Variants in RAD52 observed in about 807,000 individuals in gnomAD.
RAD52 encodes the protein RAD52 DNA repair protein.
RAD52 carries 47 observed loss-of-function variants against 55.5 expected under a neutral mutation model. That is an observed-to-expected ratio of 0.85 (90% CI 0.67 to 1.08). The LOEUF (loss-of-function observed/expected upper bound fraction) is 1.08, where lower values mean the gene tolerates loss of function less well. Ranked by LOEUF, RAD52 falls within the 50% of genes least tolerant of loss-of-function variation. The probability of loss-of-function intolerance (pLI) is 0.00; values close to 1 mark genes in which losing one functional copy is unlikely to be tolerated. For missense variants in RAD52, 468 were observed against 522.8 expected (o/e 0.90, Z 1.02); for synonymous variants, 184 against 198.9 (o/e 0.92, Z 0.63).
upstream of RAD52, among the ~76,000 whole-genome samples, chr12:952,043 A>G (rs1958536068): frequency 6.6e-6 from 1 of 152,184 alleles, no homozygotes; most frequent in South Asian, 2.1e-4. Context: ...AGCTCGCTAT[A>G]ACCTCAAATG....
At chr12:938,048 C>A (rs1246595465) in intron 1 of RAD52, among the ~76,000 whole-genome samples, 2 of 152,186 alleles carry the variant, frequency 1.3e-5, no homozygotes, top group Non-Finnish European at 2.9e-5. Context: ...TCCTGTCTCC[C>A]TTCCCCGCTC....
At chr12:945,892 G>A (rs1242826109) in intron 1 of RAD52, among the ~76,000 whole-genome samples, 4 of 151,608 alleles carry the variant, frequency 2.6e-5, no homozygotes, top group Non-Finnish European at 2.9e-5. Context: ...GCACGGTGGC[G>A]GGTACCTGTA....
At chr12:971,146 C>T (rs1160938569) in intron 1 of RAD52, among the ~76,000 whole-genome samples, 1 of 152,108 alleles carries the variant, frequency 6.6e-6, no homozygotes, top group African/African-American at 2.4e-5. Flanking sequence ...GAAAAGGAAC[C>T]TATATGTCTT....
At chr12:934,964 A>C (rs1386869869) in intron 1 of RAD52, among the ~76,000 whole-genome samples, 1 of 151,854 alleles carries the variant, frequency 6.6e-6, no homozygotes, top group Non-Finnish European at 1.5e-5. Context: ...AATACAAAAA[A>C]ATTAGCCGGA....
At chr12:915,535 G>A (rs1956312846) in intron 9 of RAD52, among the ~76,000 whole-genome samples, 1 of 152,184 alleles carries the variant, frequency 6.6e-6, no homozygotes, top group African/African-American at 2.4e-5. Flanking sequence ...TGGATGGGCA[G>A]GAGAGAACAG....
At chr12:935,869 T>A (rs138525915) in intron 1 of RAD52, among the ~76,000 whole-genome samples, 2 of 20,958 alleles carry the variant, frequency 9.5e-5, no homozygotes, top group Non-Finnish European at 1.2e-4. Flanking sequence ...AATAAATAAA[T>A]AAATAAATAA....
At chr12:914,213 C>T in intron 10 of RAD52, 92 bp from the exon 11 acceptor site, 1 of 1,316,152 alleles carries the variant, frequency 7.6e-7, no homozygotes, top group Non-Finnish European at 1.0e-6. Context: ...AATTCCATGT[C>T]TTCAGTACCT....
intron 9 of RAD52, 80 bp downstream of exon 9, chr12:916,264 C>T (rs1956366454): frequency 1.3e-6 from 2 of 1,568,938 alleles, no homozygotes; most frequent in Non-Finnish European, 1.7e-6. Flanking sequence ...CCCAGGGTTA[C>T]CGCAGAGAAT....
At chr12:964,021 G>A (rs1051966370) in intron 1 of RAD52, among the ~76,000 whole-genome samples, 1 of 152,034 alleles carries the variant, frequency 6.6e-6, no homozygotes, top group Non-Finnish European at 1.5e-5. Flanking sequence ...CATGGAGCAC[G>A]TCTGGAGTGT....
chr12:984,964 C>T (rs1197920451), intron 1 of RAD52, among the ~76,000 whole-genome samples: 2 of 152,148 alleles, frequency 1.3e-5, no homozygotes, highest in Non-Finnish European at 2.9e-5. Flanking sequence ...CGCGCCTGTC[C>T]ACACCAGGCT....
chr12:945,378 A>C (rs565692181), intron 1 of RAD52, among the ~76,000 whole-genome samples: 1 of 151,856 alleles, frequency 6.6e-6, no homozygotes, highest in South Asian at 2.1e-4. Context: ...AAAATTTTTA[A>C]TTGAAATCTC....
Position 934,065 on chromosome 12 carries a change from G to A in RAD52, c.-18-989C>T, listed in dbSNP as rs137901171. ...TGCAGTGAGCTATGACCACCCCATC[G>A]CACTCCAGCCTGGGTGACAGAGTGT... On this transcript the variant is annotated intron_variant, in intron 1 of 11. Coordinates refer to ENST00000358495, the MANE Select transcript of RAD52 (RefSeq NM_134424.4). 3.8e-3 allele frequency among the ~76,000 whole-genome samples: 553 copies of A among 147,358 alleles called. 7 individuals carry two copies. In the Middle Eastern group the frequency reaches 0.042, roughly 11 times the overall value.
intron 1 of RAD52, among the ~76,000 whole-genome samples, chr12:938,693 TAATA>T (rs765308851): frequency 2.6e-5 from 4 of 152,034 alleles, no homozygotes; most frequent in African/African-American, 4.8e-5. Context: ...AAAAAATAAA[TAATA>T]AATAAATAAA....
rs749787172 is a variant in RAD52 at position 930,158 on chromosome 12, T to C, written c.187-14A>G. ...AATGTAGCACACCTAGAAAAACAAA[T>C]GTTTTTAAGGAAAAGCTGTGTTAAT... is the stretch of plus-strand genomic sequence containing the variant. On this transcript the variant is annotated splice_polypyrimidine_tract_variant and intron_variant, in intron 3 of 11. Transcript: ENST00000358495. 1.3e-6 allele frequency: 2 copies of C among 1,586,162 alleles called. No homozygotes were observed. The highest frequency in any genetic ancestry group is 1.1e-5 in the South Asian group (1 of 88,914).
intron 7 of RAD52, among the ~76,000 whole-genome samples, chr12:921,808 A>G (rs1956741115): frequency 6.6e-6 from 1 of 152,186 alleles, no homozygotes; most frequent in African/African-American, 2.4e-5. Flanking sequence ...GCCAACAAGC[A>G]TATGAAAATA....
In RAD52 at chr12:916,381, C is replaced by A; in HGVS notation, c.828G>T (p.Gln276His). The stretch of plus-strand genomic sequence containing the variant: ...CAGCTGACGGCGTGGAGACTCGAAC[C>A]TGCTGCTTCTCCATCCGCTCCCGGA... ...QQFRERMEKQQVRVSTPSAEK... is the reference protein window; with the variant it reads ...QQFRERMEKQHVRVSTPSAEK... The change falls in exon 9 of 12, where the codon CAG (glutamine) becomes CAT (histidine). Residue 276 changes from glutamine to histidine, a missense_variant. Transcript: ENST00000358495. 1.2e-6 allele frequency: 2 copies of A among 1,608,756 alleles called. No individual in the cohort carries two copies. Among genetic ancestry groups the A allele is most frequent in the East Asian group, 2.2e-5 (1 of 44,866 alleles).
intron 7 of RAD52, among the ~76,000 whole-genome samples, chr12:917,615 A>G (rs4766369): frequency 0.99 from 150,391 of 151,932 alleles, 74,454 homozygotes; most frequent in East Asian, 1. Context: ...AGGCACGTTG[A>G]CTCATGCCTG....
At chr12:926,836 G>A (rs984616604) in intron 6 of RAD52, 1 of 1,536,882 alleles carries the variant, frequency 6.5e-7, no homozygotes, top group Non-Finnish European at 8.7e-7. Flanking sequence ...CGGAGAGGAG[G>A]GTGCTGTCTG....
intron 1 of RAD52, among the ~76,000 whole-genome samples, chr12:964,043 C>T (rs1022198653): frequency 6.6e-6 from 1 of 152,002 alleles, no homozygotes; most frequent in African/African-American, 2.4e-5. Context: ...GGAGGTACAA[C>T]ATGAGTAGGA....
Sources: gnomAD v4.1 joint callset for allele counts (sites outside exome capture counted in the v4.1 genomes callset) on GRCh38, gnomAD v4.1.1 for gene constraint, MANE v1.5 for transcripts, NCBI Gene and HGNC (gene_info 2026-07-23, HGNC 2026-07-21) for gene names.